Variants in FKTN observed in about 807,000 individuals in gnomAD.
FKTN encodes the protein fukutin.
Under a neutral mutation model 58.6 loss-of-function variants are expected in FKTN, and 47 were observed. That is an observed-to-expected ratio of 0.80 (90% CI 0.63 to 1.02). The LOEUF is 1.02. Ranked by LOEUF, FKTN falls within the 50% of genes least tolerant of loss-of-function variation. The pLI is 0.00. For synonymous variants in FKTN, 178 were observed against 191.9 expected (o/e 0.93, Z 0.60); for missense variants, 516 against 537.3 (o/e 0.96, Z 0.39).
At position 105,601,199 on chromosome 9, in the gene FKTN, C is replaced by A. The variant is rs1060501407; in HGVS notation, c.220C>A (p.Leu74Ile). 3 of 1,611,178 alleles carry A rather than the reference C, an allele frequency of 1.9e-6. No homozygotes were observed. In the Admixed American group the frequency reaches 5.0e-5, roughly 27 times the overall value. Residue 74 changes from leucine (L) to isoleucine (I), a missense_variant, in exon 5 of 11, where the codon CTT becomes ATT. By Grantham distance (5) the Leu-to-Ile change is conservative. Transcript: ENST00000357998. ...ATCCAACCAAAATGTACCAGTGTTTCTTATTGATCCTTTGATACTGGAATT... is the reference window on the plus strand; with the variant it reads ...ATCCAACCAAAATGTACCAGTGTTTATTATTGATCCTTTGATACTGGAATT... Reference protein sequence around the residue: ...LTSNQNVPVFLIDPLILELIN... With the variant: ...LTSNQNVPVFIIDPLILELIN...
At chr9:105,593,724 TA>T (rs1845323320) in intron 3 of FKTN, among the ~76,000 whole-genome samples, 1 of 152,066 alleles carries the variant, frequency 6.6e-6, no homozygotes, top group East Asian at 1.9e-4. Context: ...AAAACAGAAA[TA>T]TGGTGATACA....
chr9:105,585,832 T>C (rs1843798194), intron 3 of FKTN, among the ~76,000 whole-genome samples: 1 of 152,222 alleles, frequency 6.6e-6, no homozygotes, highest in South Asian at 2.1e-4. Context: ...AATCATAGTC[T>C]TGATCAGTGT....
Position 105,639,580 on chromosome 9 carries a change from T to C in FKTN, c.*4316T>C. 1.0e-6 allele frequency: 1 copy of C among 981,898 alleles called. No homozygotes were observed. The highest frequency in any genetic ancestry group is 1.2e-6 in the Non-Finnish European group (1 of 826,746). The allele number at this position is 981,898 out of a possible 1,614,324, so 60.8% of individuals were successfully genotyped here. On this transcript the variant is annotated 3_prime_UTR_variant, in exon 11 of 11. Coordinates refer to ENST00000357998, the MANE Select transcript of FKTN (RefSeq NM_001079802.2). ...CTTTTCTAATCTTCAAATGGAATTA[T>C]AGAAACCATGGGTCAGAACATATTC...
chr9:105,566,619 C>A (rs1275116209), intron 1 of FKTN, among the ~76,000 whole-genome samples: 1 of 152,138 alleles, frequency 6.6e-6, no homozygotes, highest in Non-Finnish European at 1.5e-5. Flanking sequence ...TCTGAATAGA[C>A]CAATAACAGG....
chr9:105,609,484 C>A (rs1829525754), intron 7 of FKTN, among the ~76,000 whole-genome samples: 1 of 152,006 alleles, frequency 6.6e-6, no homozygotes, highest in African/African-American at 2.4e-5. Context: ...ACCATTTAAT[C>A]CCTATTCAAT....
At chr9:105,619,046 A>C (rs1053191309) in intron 9 of FKTN, among the ~76,000 whole-genome samples, 10 of 149,790 alleles carry the variant, frequency 6.7e-5, no homozygotes, top group African/African-American at 2.5e-4. Context: ...GCGACAGAGC[A>C]AGACTCCGTC....
Position 105,588,055 on chromosome 9 carries a change from G to T in FKTN, c.106-8543G>T, listed in dbSNP as rs558186678. Among the ~76,000 whole-genome samples, 169 of 152,302 alleles carry T rather than the reference G, an allele frequency of 1.1e-3. 1 individual carries two copies. The highest frequency in any genetic ancestry group is 3.5e-3 in the African/African-American group (147 of 41,568). On this transcript the variant is annotated intron_variant, in intron 3 of 10. Coordinates refer to ENST00000357998, the MANE Select transcript of FKTN (RefSeq NM_001079802.2). Reference sequence around the variant, plus strand: ...ATTTTTTCTGAAAGTACTACTGTTTGATTCTATATGAGCATAATTAATGAT... The same window carrying T: ...ATTTTTTCTGAAAGTACTACTGTTTTATTCTATATGAGCATAATTAATGAT...
intron 10 of FKTN, among the ~76,000 whole-genome samples, chr9:105,621,954 T>C (rs1832041344): frequency 6.6e-6 from 1 of 152,098 alleles, no homozygotes; most frequent in Admixed American, 6.5e-5. Context: ...ATTTTGGGGC[T>C]AAAGGGAATA....
At chr9:105,611,016 A>G (rs1231855576) in intron 7 of FKTN, among the ~76,000 whole-genome samples, 3 of 152,260 alleles carry the variant, frequency 2.0e-5, no homozygotes, top group East Asian at 1.9e-4. Context: ...CCAAAAGGAA[A>G]GTTGGAAATA....
intron 7 of FKTN, among the ~76,000 whole-genome samples, chr9:105,611,844 A>G (rs1289001116): frequency 5.3e-5 from 8 of 152,126 alleles, no homozygotes; most frequent in Admixed American, 5.2e-4. Flanking sequence ...TGAATGATTT[A>G]TATTCCTTTC....
At position 105,620,017 on chromosome 9, in the gene FKTN, C is replaced by G; in HGVS notation, c.1128C>G (p.His376Gln). ...DVFFFYEETD[H>Q]MWNGGTQAKT... ...TTTTCTTCTATGAAGAAACTGATCACATGTGGAATGGAGGCACTCAGGCCA... is the reference window on the plus strand; with the variant it reads ...TTTTCTTCTATGAAGAAACTGATCAGATGTGGAATGGAGGCACTCAGGCCA... The change falls in exon 10 of 11, where the codon CAC becomes CAG. Residue 376 changes from histidine (H) to glutamine (Q), a missense_variant. His to Gln is a conservative substitution (Grantham distance 24, BLOSUM62 0). Transcript: ENST00000357998. The G allele has an allele frequency of 6.2e-7, 1 of 1,612,496 alleles. No individual in the cohort carries two copies. Among genetic ancestry groups the G allele is most frequent in the South Asian group, 1.1e-5 (1 of 91,046 alleles).
In FKTN at chr9:105,636,035, G is replaced by A. The variant is rs774912829; in HGVS notation, c.*771G>A. 1.0e-6 allele frequency: 1 copy of A among 985,532 alleles called. No homozygotes were observed. Among genetic ancestry groups the A allele is most frequent in the Non-Finnish European group, 1.2e-6 (1 of 830,046 alleles). The allele number at this position is 985,532 out of a possible 1,614,324, so 61.0% of individuals were successfully genotyped here. A position where few individuals can be genotyped will look rare whatever the true frequency, so the allele number is the denominator to read the frequency against. On this transcript the variant is annotated 3_prime_UTR_variant, in exon 11 of 11. Transcript: ENST00000357998. ...TGGCACTTGTTGACAAATCATTCAA[G>A]TGAGACCATGTTACTAGACATGATC...
intron 3 of FKTN, among the ~76,000 whole-genome samples, chr9:105,587,528 A>AT (rs1844117334): frequency 6.6e-6 from 1 of 152,192 alleles, no homozygotes; most frequent in South Asian, 2.1e-4. Flanking sequence ...GGCTTCTTCC[A>AT]TTTTGCCTTC....
intron 3 of FKTN, among the ~76,000 whole-genome samples, chr9:105,582,307 C>G (rs1843134019): frequency 6.6e-6 from 1 of 152,120 alleles, no homozygotes; most frequent in Non-Finnish European, 1.5e-5. Flanking sequence ...ACTCCTGCCT[C>G]AATCTCCTGA....
chr9:105,569,794 C>CT (rs919514278), intron 1 of FKTN, among the ~76,000 whole-genome samples: 2 of 152,122 alleles, frequency 1.3e-5, no homozygotes, highest in South Asian at 2.1e-4. Flanking sequence ...CTCGTTACAT[C>CT]TTTTTTTTCC....
chr9:105,597,543 G>A (rs1287441683), intron 4 of FKTN, among the ~76,000 whole-genome samples: 2 of 151,992 alleles, frequency 1.3e-5, no homozygotes, highest in African/African-American at 4.8e-5. Context: ...TGATATACTT[G>A]GAAGTTATAC....
At chr9:105,601,931 TAAAAG>T (rs1333494744) in intron 5 of FKTN, among the ~76,000 whole-genome samples, 2 of 152,028 alleles carry the variant, frequency 1.3e-5, no homozygotes, top group African/African-American at 2.4e-5. Flanking sequence ...AACCTAGAAA[TAAAAG>T]GAAATGATAT....
intron 3 of FKTN, among the ~76,000 whole-genome samples, chr9:105,576,563 A>G (rs1324599935): frequency 1.4e-4 from 19 of 139,268 alleles, no homozygotes; most frequent in Non-Finnish European, 2.5e-4. Context: ...AATCCAGTCT[A>G]TCATTGTTGG....
chr9:105,563,545 C>T (rs1372522325), intron 1 of FKTN, among the ~76,000 whole-genome samples: 3 of 152,070 alleles, frequency 2.0e-5, no homozygotes, highest in Non-Finnish European at 4.4e-5. Flanking sequence ...CACGGAGCCT[C>T]ACTCATTTGT....
Sources: allele counts gnomAD v4.1 joint callset (sites outside exome capture counted in the v4.1 genomes callset), GRCh38; gene constraint gnomAD v4.1.1; transcripts MANE v1.5; gene names NCBI Gene and HGNC (gene_info 2026-07-23, HGNC 2026-07-21).